The following TBX19 variants were observed in gnomAD, a reference collection of about 807,000 sequenced individuals.
The protein encoded by TBX19 is T-box transcription factor 19.
In TBX19, 33 loss-of-function variants were observed where a neutral mutation model predicts 40.9. The ratio of observed to expected loss-of-function variants is 0.81; its 90% confidence interval spans 0.61 to 1.08. The LOEUF is 1.08. Ranked by LOEUF, TBX19 falls within the 50% of genes least tolerant of loss-of-function variation. The pLI is 0.00. For synonymous variants in TBX19, 220 were observed against 225.0 expected, an observed-to-expected ratio of 0.98 and a Z score of 0.20; for missense variants, 494 against 574.0, an observed-to-expected ratio of 0.86 and a Z score of 1.42.
At chr1:168,299,726 C>G (rs558781827) in intron 4 of TBX19, among the ~76,000 whole-genome samples, 1 of 152,126 alleles carries the variant, frequency 6.6e-6, no homozygotes, top group African/African-American at 2.4e-5. Flanking sequence ...CTCCTGCCTC[C>G]GCCTCCTTAG....
chr1:168,309,043 G>A lies in TBX19; in HGVS notation c.1052+166G>A, dbSNP rs551060776. Reference sequence around the variant, plus strand: ...GCAACAGGGTGGAGTTCTTTCATAAGGGGAGAAACAGCTCAGTCATATACT... The same window carrying A: ...GCAACAGGGTGGAGTTCTTTCATAAAGGGAGAAACAGCTCAGTCATATACT... On this transcript the variant is annotated intron_variant, in intron 7 of 7. Coordinates refer to ENST00000367821, the MANE Select transcript of TBX19 (RefSeq NM_005149.3). Among the ~76,000 whole-genome samples the A allele has an allele frequency of 4.6e-5, 7 of 152,286 alleles. No homozygotes were observed. In the East Asian group the frequency reaches 1.3e-3, roughly 29 times the overall value.
In TBX19 at chr1:168,312,874, G is replaced by T; in HGVS notation, c.1219G>T (p.Val407Phe). ...TQAPTSAGVEVLGEPSLTSIA... is the reference protein window; with the variant it reads ...TQAPTSAGVEFLGEPSLTSIA... ...AGCACCCACTTCGGCTGGTGTGGAG[G>T]TTCTGGGGGAGCCCTCGCTAACCAG... The change falls in exon 8 of 8, where the codon GTT (valine) becomes TTT (phenylalanine). Residue 407 changes from valine to phenylalanine, a missense_variant. Physicochemically the swap from Val to Phe is conservative, Grantham distance 50 (BLOSUM62 -1). This residue lies in a region of TBX19 where 284 missense variants were observed against 307.3 expected (regional missense o/e 0.92). Coordinates refer to ENST00000367821, the MANE Select transcript of TBX19 (RefSeq NM_005149.3). 1 of 1,614,240 alleles carries T rather than the reference G, an allele frequency of 6.2e-7. No individual in the cohort carries two copies. The highest frequency in any genetic ancestry group is 1.1e-5 in the South Asian group (1 of 91,086).
At chr1:168,291,556 C>A (rs1388524586) in intron 2 of TBX19, 132 bp downstream of exon 2, 3 of 1,272,172 alleles carry the variant, frequency 2.4e-6, no homozygotes, top group Non-Finnish European at 2.2e-6. Flanking sequence ...GCCAATTATT[C>A]CCGGGAGTCC....
At chr1:168,307,911 C>T (rs931782875) in intron 6 of TBX19, 2 of 152,078 alleles carry the variant, frequency 1.3e-5, no homozygotes, top group Non-Finnish European at 2.9e-5. Context: ...TTCCAGTACA[C>T]AGTACAATAT....
Position 168,313,252 on chromosome 1 carries a change from G to T in TBX19, c.*250G>T, listed in dbSNP as rs1649569165. On this transcript the variant is annotated 3_prime_UTR_variant, in exon 8 of 8. Transcript: ENST00000367821. Reference sequence around the variant, plus strand: ...TGCAGCTTATTCTTGCCATGCTTAGGTGACAGAAGTTTGTTAAGTACCATC... The same window carrying T: ...TGCAGCTTATTCTTGCCATGCTTAGTTGACAGAAGTTTGTTAAGTACCATC... The T allele has an allele frequency of 8.6e-6, 5 of 578,924 alleles. No homozygotes were observed. The South Asian group carries it at 1.0e-4, about 12-fold the overall frequency. 35.9% of individuals were successfully genotyped at this position (578,924 alleles called of 1,614,324 possible).
At chr1:168,285,450 C>T (rs1434270366) in intron 1 of TBX19, among the ~76,000 whole-genome samples, 1 of 152,250 alleles carries the variant, frequency 6.6e-6, no homozygotes, top group East Asian at 1.9e-4. Flanking sequence ...GCCCCTCTTT[C>T]TTCTTGCAAA....
chr1:168,290,142 GA>G (rs202052944), intron 1 of TBX19, among the ~76,000 whole-genome samples: 3 of 150,462 alleles, frequency 2.0e-5, no homozygotes, highest in East Asian at 1.9e-4. Flanking sequence ...GACTCCATCT[GA>G]AAAAAAAAGA....
At chr1:168,306,423 C>T (rs962596393) in intron 6 of TBX19, among the ~76,000 whole-genome samples, 2 of 151,860 alleles carry the variant, frequency 1.3e-5, no homozygotes, top group African/African-American at 4.8e-5. Flanking sequence ...ATCAGGAGTT[C>T]GAGAGTAGCC....
At chr1:168,300,573 G>A in intron 5 of TBX19, 90 bp downstream of exon 5, 3 of 1,211,922 alleles carry the variant, frequency 2.5e-6, no homozygotes, top group East Asian at 2.4e-5. Flanking sequence ...TGTCAGGACT[G>A]CTTAAGGACT....
intron 7 of TBX19, among the ~76,000 whole-genome samples, chr1:168,312,343 C>T (rs532611679): frequency 6.6e-6 from 1 of 152,244 alleles, no homozygotes; most frequent in East Asian, 1.9e-4. Flanking sequence ...CCACATTGGC[C>T]AGGGAGAGAT....
intron 5 of TBX19, among the ~76,000 whole-genome samples, chr1:168,303,111 A>G (rs1649317135): frequency 6.6e-6 from 1 of 152,138 alleles, no homozygotes; most frequent in African/African-American, 2.4e-5. Flanking sequence ...TTACATATGT[A>G]TACATGTGCC....
Position 168,305,159 on chromosome 1 carries a change from C to G in TBX19, c.879C>G (p.Tyr293Ter). ...SGLRGHRQAPYPSAYMHRNHS... is the reference protein window; with the variant it reads ...SGLRGHRQAP ...TCCGAGGACACCGGCAGGCTCCCTACCCTTCTGCGTACATGCACAGAAACC... is the reference window on the plus strand; with the variant it reads ...TCCGAGGACACCGGCAGGCTCCCTAGCCTTCTGCGTACATGCACAGAAACC... The change falls in exon 6 of 8, where the codon TAC (tyrosine) becomes TAG (stop). Residue 293 changes from tyrosine (Y) to a stop codon, truncating the protein, a stop_gained. Coordinates refer to ENST00000367821, the MANE Select transcript of TBX19 (RefSeq NM_005149.3). LOFTEE classifies it high-confidence loss of function. The G allele has an allele frequency of 1.2e-6, 2 of 1,613,518 alleles. No individual in the cohort carries two copies. The highest frequency in any genetic ancestry group is 2.7e-5 in the African/African-American group (2 of 75,012).
chr1:168,293,490 T>G (rs569718763), intron 3 of TBX19, among the ~76,000 whole-genome samples: 4 of 152,172 alleles, frequency 2.6e-5, no homozygotes, highest in Admixed American at 1.3e-4. Context: ...CAGCATGTGC[T>G]CTCCTGGTGC....
At chr1:168,300,371 G>T (rs373444107) in intron 4 of TBX19, 51 bp from the exon 5 acceptor site, 43 of 1,551,720 alleles carry the variant, frequency 2.8e-5, no homozygotes, top group Admixed American at 1.2e-4. Context: ...CTTTATAGTG[G>T]ACATACATAA....
rs1648631533 is a variant in TBX19, at chr1:168,280,977, C to T, written c.-114C>T. ...TTAGGCAAGAGCCAGGGTATCTTCTCTCCGCTCCCCAAGCACTGTTCAAGT... is the reference window on the plus strand; with the variant it reads ...TTAGGCAAGAGCCAGGGTATCTTCTTTCCGCTCCCCAAGCACTGTTCAAGT... On this transcript the variant is annotated 5_prime_UTR_variant, in exon 1 of 8. Transcript: ENST00000367821. 2.0e-6 allele frequency: 2 copies of T among 1,001,502 alleles called. No homozygotes were observed. The highest frequency in any genetic ancestry group is 1.6e-5 in the African/African-American group (1 of 62,860). 62.0% of individuals were successfully genotyped at this position (1,001,502 alleles called of 1,614,324 possible).
Position 168,282,474 on chromosome 1 carries a change from C to T in TBX19, c.203+1181C>T, listed in dbSNP as rs1026942803. Among the ~76,000 whole-genome samples, 25 of 152,320 alleles carry T rather than the reference C, an allele frequency of 1.6e-4. 1 individual carries two copies. The South Asian group carries it at 4.3e-3, about 27-fold the overall frequency. Reference sequence around the variant, plus strand: ...CAAGAAATTGCGATTATACCAGTAGCAGGAATATCAACCTTGCTTGATTTT... The same window carrying T: ...CAAGAAATTGCGATTATACCAGTAGTAGGAATATCAACCTTGCTTGATTTT... On this transcript the variant is annotated intron_variant, in intron 1 of 7. Transcript: ENST00000367821.
In TBX19 at chr1:168,293,257, G is replaced by A. The variant is rs1648993440; in HGVS notation, c.582G>A (p.Val194=). Residue 194 remains valine (V), a synonymous_variant, in exon 3 of 8, where the codon GTG becomes GTA. Transcript: ENST00000367821. ...CSFPETQFIA[V]TAYQNEEITA... is the part of the protein sequence containing the mutation. Reference sequence around the variant, plus strand: ...TCCCTGAAACCCAGTTCATAGCCGTGACTGCCTATCAGAATGAGGAGGTAA... The same window carrying A: ...TCCCTGAAACCCAGTTCATAGCCGTAACTGCCTATCAGAATGAGGAGGTAA... 3.7e-6 allele frequency: 6 copies of A among 1,612,626 alleles called. No homozygotes were observed. Among genetic ancestry groups the A allele is most frequent in the Non-Finnish European group, 5.1e-6 (6 of 1,179,532 alleles).
At chr1:168,300,711 A>G (rs190692672) in intron 5 of TBX19, among the ~76,000 whole-genome samples, 42 of 152,352 alleles carry the variant, frequency 2.8e-4, no homozygotes, top group African/African-American at 9.9e-4. Context: ...AGGAGATAAG[A>G]ATGAAAATGA....
At chr1:168,294,692 G>A (rs1170435620) in intron 3 of TBX19, among the ~76,000 whole-genome samples, 1 of 152,086 alleles carries the variant, frequency 6.6e-6, no homozygotes, top group Non-Finnish European at 1.5e-5. Context: ...AGTAGAGACA[G>A]GGTTTCACTA....
Sources: gnomAD v4.1 joint callset for allele counts (sites outside exome capture counted in the v4.1 genomes callset) on GRCh38, gnomAD v4.1.1 for gene constraint, gnomAD v4.1.1 regional missense constraint, MANE v1.5 for transcripts, NCBI Gene and HGNC (gene_info 2026-07-23, HGNC 2026-07-21) for gene names.